The following FOXK1 variants were observed in gnomAD, a reference collection of about 807,000 sequenced individuals.
FOXK1 encodes the protein forkhead box K1, also known as forkhead box protein K1.
A neutral mutation model predicts 51.9 loss-of-function variants in FOXK1; 19 were observed. That is an observed-to-expected ratio of 0.37 (90% CI 0.26 to 0.54). FOXK1 has a LOEUF of 0.54. Ranked by LOEUF, FOXK1 falls within the 20% of genes least tolerant of loss-of-function variation. FOXK1 has a pLI of 0.87. For synonymous variants in FOXK1, 537 were observed against 482.6 expected (o/e 1.11, Z -1.48); for missense variants, 870 against 1,032.7 (o/e 0.84, Z 2.16).
chr7:4,745,627 C>T lies in FOXK1; in HGVS notation c.746+4604C>T, dbSNP rs542132607. On this transcript the variant is annotated intron_variant, in intron 2 of 8. Transcript: ENST00000328914. The surrounding 1 kb of genome is among the most constrained non-coding windows in gnomAD (Gnocchi z 4.3). ...CAAAGAAGGATTTTTACAGGCCAGGCGCCCGGTGGCTCAGGCCTGTAATCC... is the reference window on the plus strand; with the variant it reads ...CAAAGAAGGATTTTTACAGGCCAGGTGCCCGGTGGCTCAGGCCTGTAATCC... Among the ~76,000 whole-genome samples the T allele has an allele frequency of 2.4e-4, 36 of 152,254 alleles. No homozygotes were observed. In the East Asian group the frequency reaches 5.2e-3, roughly 22 times the overall value.
At position 4,683,169 on chromosome 7, in the gene FOXK1, C is replaced by A. The variant is rs1045964224; in HGVS notation, c.560+301C>A. Among the ~76,000 whole-genome samples the A allele has an allele frequency of 9.9e-5, 15 of 151,990 alleles. No individual in the cohort carries two copies. Among genetic ancestry groups the A allele is most frequent in the Non-Finnish European group, 2.2e-4 (15 of 67,952 alleles). On this transcript the variant is annotated intron_variant, in intron 1 of 8. Coordinates refer to ENST00000328914, the MANE Select transcript of FOXK1 (RefSeq NM_001037165.2). The surrounding 1 kb of genome is among the most constrained non-coding windows in gnomAD (Gnocchi z 4.5). ...CACCGGCCTGGACTCTGGGGTCAGC[C>A]CTGACCCACACCTTGCGGCTCCTGG...
At chr7:4,699,773 A>C (rs765731008) in intron 1 of FOXK1, among the ~76,000 whole-genome samples, 2 of 152,212 alleles carry the variant, frequency 1.3e-5, no homozygotes, top group Non-Finnish European at 2.9e-5. Flanking sequence ...TTTGAGATTC[A>C]GTACAAGTGT....
At chr7:4,742,863 C>G (rs1368007824) in intron 2 of FOXK1, among the ~76,000 whole-genome samples, 2 of 152,254 alleles carry the variant, frequency 1.3e-5, no homozygotes, top group Non-Finnish European at 2.9e-5. Context: ...GGAATCATCT[C>G]CATTTGAGTT....
chr7:4,713,207 A>G (rs1780195511), intron 1 of FOXK1, among the ~76,000 whole-genome samples: 1 of 152,230 alleles, frequency 6.6e-6, no homozygotes, highest in Admixed American at 6.5e-5. Context: ...GTCACAGCCC[A>G]TTGTGTAATT....
At chr7:4,746,567 A>C (rs1010395054) in intron 2 of FOXK1, among the ~76,000 whole-genome samples, 3 of 151,978 alleles carry the variant, frequency 2.0e-5, no homozygotes, top group Non-Finnish European at 2.9e-5. Context: ...TCATGTCTTT[A>C]GACCCAGCTA....
chr7:4,765,817 A>G lies in FOXK1; in HGVS notation c.*3353A>G, dbSNP rs1454286797. 6.6e-6 allele frequency: 1 copy of G among 152,224 alleles called. No individual in the cohort carries two copies. Among genetic ancestry groups the G allele is most frequent in the Non-Finnish European group, 1.5e-5 (1 of 68,054 alleles). The allele number at this position is 152,224 out of a possible 1,614,324, so 9.4% of individuals were successfully genotyped here. On this transcript the variant is annotated 3_prime_UTR_variant, in exon 9 of 9. Transcript: ENST00000328914. ...GCTTTGGCTAGGAGGTAAGTCCCAA[A>G]AAGAACGTCTTAAGTAGAGCAAAGG...
In FOXK1 at chr7:4,749,762, C is replaced by G. The variant is rs1313061139; in HGVS notation, c.747-4697C>G. Among the ~76,000 whole-genome samples, 1 of 152,254 alleles carries G rather than the reference C, an allele frequency of 6.6e-6. No individual in the cohort carries two copies. The highest frequency in any genetic ancestry group is 1.9e-4 in the East Asian group (1 of 5,196). On this transcript the variant is annotated intron_variant, in intron 2 of 8. Coordinates refer to ENST00000328914, the MANE Select transcript of FOXK1 (RefSeq NM_001037165.2). The surrounding 1 kb of genome is among the most constrained non-coding windows in gnomAD (Gnocchi z 6.0). The stretch of plus-strand genomic sequence containing the variant: ...AGGGTGGACTGGAAGGACCGCAGCC[C>G]TGTGCCCTGGGGAAGGCTTGTCTTA...
chr7:4,754,380 G>C, intron 2 of FOXK1, 79 bp from the exon 3 acceptor site: 1 of 1,519,988 alleles, frequency 6.6e-7, no homozygotes, highest in South Asian at 1.2e-5. Flanking sequence ...CCACCCTCTG[G>C]GTAGGTCCTG....
At chr7:4,724,503 C>G (rs150688594) in intron 1 of FOXK1, among the ~76,000 whole-genome samples, 149 of 152,320 alleles carry the variant, frequency 9.8e-4, no homozygotes, top group African/African-American at 3.4e-3. Context: ...GCCCAGAGTT[C>G]GCTTTTTCTT....
chr7:4,749,182 G>A lies in FOXK1; in HGVS notation c.747-5277G>A, dbSNP rs78059144. Among the ~76,000 whole-genome samples the A allele has an allele frequency of 7.2e-3, 1,092 of 152,212 alleles. 8 individuals carry two copies. The highest frequency in any genetic ancestry group is 0.01 in the Non-Finnish European group (710 of 68,004). On this transcript the variant is annotated intron_variant, in intron 2 of 8. Coordinates refer to ENST00000328914, the MANE Select transcript of FOXK1 (RefSeq NM_001037165.2). The surrounding 1 kb of genome is among the most constrained non-coding windows in gnomAD (Gnocchi z 6.0). ...AAGAGCGTGTTCTTGCTCTGCAGGT[G>A]TGCTTTGCATGCTGTTCTTACTGTC...
chr7:4,761,825 TGCAAGGGTGCTGG>T lies in FOXK1; in HGVS notation c.1922-356_1922-344del, dbSNP rs1431195813. 3.9e-5 allele frequency among the ~76,000 whole-genome samples: 6 copies of T among 151,934 alleles called. No homozygotes were observed. Among genetic ancestry groups the T allele is most frequent in the Non-Finnish European group, 8.8e-5 (6 of 67,962 alleles). ...AAGGAGGAGAGTTGGGGTGCTGGGG[TGCAAGGGTGCTGG>T]GCGGGGGTGCAGGGTACCAGGGCAC... On this transcript the variant is annotated intron_variant, in intron 8 of 8. Transcript: ENST00000328914. This position sits in a 1 kb window ranked among gnomAD's most constrained non-coding sequence, Gnocchi z 6.2.
intron 1 of FOXK1, among the ~76,000 whole-genome samples, chr7:4,728,966 A>G (rs1000492126): frequency 6.6e-6 from 1 of 152,182 alleles, no homozygotes; most frequent in African/African-American, 2.4e-5. Context: ...TGAGATCTGC[A>G]GATTAAGCCA....
rs755609472 is a variant in FOXK1 at position 4,682,698 on chromosome 7, G to A, written c.390G>A (p.Ser130=). The part of the protein sequence containing the change: ...QPSVTIGRNS[S]QGSVDLSMGL... ...GCGTCACCATCGGCCGCAACTCGTCGCAGGGCTCGGTGGACTTGAGCATGG... is the reference window on the plus strand; with the variant it reads ...GCGTCACCATCGGCCGCAACTCGTCACAGGGCTCGGTGGACTTGAGCATGG... The change falls in exon 1 of 9, where the codon TCG becomes TCA. Residue 130 remains serine, a synonymous_variant. Transcript: ENST00000328914. The surrounding 1 kb of genome is among the most constrained non-coding windows in gnomAD (Gnocchi z 7.6). 1.2e-6 allele frequency: 2 copies of A among 1,601,676 alleles called. No homozygotes were observed. Among genetic ancestry groups the A allele is most frequent in the East Asian group, 2.3e-5 (1 of 44,326 alleles).
In FOXK1 at chr7:4,737,576, A is replaced by ATGTGTG. The variant is rs1562384072; in HGVS notation, c.561-3260_561-3259insTGTGTG. Among the ~76,000 whole-genome samples, 5 of 113,724 alleles carry ATGTGTG rather than the reference A, an allele frequency of 4.4e-5. No individual in the cohort carries two copies. The East Asian group carries it at 1.4e-3, about 32-fold the overall frequency. The allele number at this position is 113,724 out of a possible 152,430, so 74.6% of individuals were successfully genotyped here. A position where few individuals can be genotyped will look rare whatever the true frequency, so the allele number is the denominator to read the frequency against. ...CCTGTGTGTGTGTGTGTGTGTGTGC[A>ATGTGTG]TGCATGTGTTGATACAGACATGGAC... On this transcript the variant is annotated intron_variant, in intron 1 of 8. Transcript: ENST00000328914.
At chr7:4,705,946 T>TTA (rs1458577848) in intron 1 of FOXK1, among the ~76,000 whole-genome samples, 24 of 132,524 alleles carry the variant, frequency 1.8e-4, no homozygotes, top group East Asian at 6.0e-4. Flanking sequence ...ACTTTCAAAA[T>TTA]TATATATATA....
In FOXK1 at chr7:4,704,834, C is replaced by CTTTTTTTTTTTTTTTTTTTTTTTT. The variant is rs775099211; in HGVS notation, c.560+21981_560+21982insTTTTTTTTTTTTTTTTTTTTTTTT. ...CTCCCAAACCAATCTATGTTTCATTCTTTTTTTTTTTTTTTGAGAAAAAGT... is the reference window on the plus strand; with the variant it reads ...CTCCCAAACCAATCTATGTTTCATTCTTTTTTTTTTTTTTTTTTTTTTTTTTTTTTTTTTTTTTTGAGAAAAAGT... On this transcript the variant is annotated intron_variant, in intron 1 of 8. Coordinates refer to ENST00000328914, the MANE Select transcript of FOXK1 (RefSeq NM_001037165.2). Among the ~76,000 whole-genome samples, 44 of 131,398 alleles carry CTTTTTTTTTTTTTTTTTTTTTTTT rather than the reference C, an allele frequency of 3.3e-4. 4 individuals carry two copies. Among genetic ancestry groups the CTTTTTTTTTTTTTTTTTTTTTTTT allele is most frequent in the African/African-American group, 1.4e-3 (43 of 31,084 alleles). 86.2% of individuals were successfully genotyped at this position (131,398 alleles called of 152,430 possible). A position where few individuals can be genotyped will look rare whatever the true frequency, so the allele number is the denominator to read the frequency against.
rs1780684227 is a variant in FOXK1, at chr7:4,745,068, T to C, written c.746+4045T>C. On this transcript the variant is annotated intron_variant, in intron 2 of 8. Coordinates refer to ENST00000328914, the MANE Select transcript of FOXK1 (RefSeq NM_001037165.2). This position sits in a 1 kb window ranked among gnomAD's most constrained non-coding sequence, Gnocchi z 4.3. ...AGCCGGCGTGTTTACAAACACTCCC[T>C]GCCCTTCCCTGCCACCTCCCCACTC... 2.0e-5 allele frequency among the ~76,000 whole-genome samples: 3 copies of C among 152,250 alleles called. No individual in the cohort carries two copies. In the South Asian group the frequency reaches 6.2e-4, roughly 31 times the overall value.
chr7:4,760,819 C>A (rs899627613), intron 7 of FOXK1, among the ~76,000 whole-genome samples: 3 of 152,182 alleles, frequency 2.0e-5, no homozygotes, highest in Non-Finnish European at 4.4e-5. Flanking sequence ...CCCCTGCACT[C>A]CAGCCTGGGC....
rs1291459337 is a variant in FOXK1 at position 4,711,832 on chromosome 7, T to C, written c.560+28964T>C. Among the ~76,000 whole-genome samples, 5 of 152,080 alleles carry C rather than the reference T, an allele frequency of 3.3e-5. No homozygotes were observed. The highest frequency in any genetic ancestry group is 7.4e-5 in the Non-Finnish European group (5 of 68,010). On this transcript the variant is annotated intron_variant, in intron 1 of 8. Coordinates refer to ENST00000328914, the MANE Select transcript of FOXK1 (RefSeq NM_001037165.2). The surrounding 1 kb of genome is among the most constrained non-coding windows in gnomAD (Gnocchi z 6.3). ...GCAACGCAAGGTCAGAGAGAAAAGATTGCGGCCGGCCGGTGTCAAGGCGGG... is the reference window on the plus strand; with the variant it reads ...GCAACGCAAGGTCAGAGAGAAAAGACTGCGGCCGGCCGGTGTCAAGGCGGG...
Sources: gnomAD v4.1 joint callset for allele counts (sites outside exome capture counted in the v4.1 genomes callset) on GRCh38, gnomAD v4.1.1 for gene constraint, Gnocchi (gnomAD v3.1) non-coding constraint, MANE v1.5 for transcripts, NCBI Gene and HGNC (gene_info 2026-07-23, HGNC 2026-07-21) for gene names.